Variants in CADM2 observed in about 807,000 individuals in gnomAD.
CADM2 encodes cell adhesion molecule 2, also known as immunoglobulin superfamily member 4D.
CADM2 carries 12 observed loss-of-function variants against 49.8 expected under a neutral mutation model. The observed-to-expected ratio is 0.24, with a 90% CI of 0.15 to 0.39. The LOEUF (loss-of-function observed/expected upper bound fraction) is 0.39, where lower values mean the gene tolerates loss of function less well. Among genes scored for constraint, CADM2 ranks in the 10% least tolerant of loss-of-function variants. The probability of loss-of-function intolerance (pLI) is 1.00; values close to 1 mark genes in which losing one functional copy is unlikely to be tolerated. For synonymous variants in CADM2, 214 were observed against 175.4 expected, an observed-to-expected ratio of 1.22 and a Z score of -1.74; for missense variants, 378 against 492.3, an observed-to-expected ratio of 0.77 and a Z score of 2.20.
intron 1 of CADM2, among the ~76,000 whole-genome samples, chr3:85,661,847 A>G (rs1389090409): frequency 2.0e-5 from 3 of 152,068 alleles, no homozygotes; most frequent in Non-Finnish European, 4.4e-5. Flanking sequence ...CTTATTAGTC[A>G]ATAACAATTT....
chr3:85,348,774 T>G (rs888547330), intron 1 of CADM2, among the ~76,000 whole-genome samples: 4 of 152,130 alleles, frequency 2.6e-5, no homozygotes, highest in African/African-American at 4.8e-5. Context: ...AATACAATCT[T>G]AACACAAAAA....
intron 2 of CADM2, among the ~76,000 whole-genome samples, chr3:85,734,175 A>G (rs2068041799): frequency 2.6e-5 from 4 of 152,154 alleles, no homozygotes; most frequent in Admixed American, 2.6e-4. Context: ...GGCAAAGTGT[A>G]CAATTAAAAA....
intron 1 of CADM2, among the ~76,000 whole-genome samples, chr3:85,578,490 T>C (rs2062707416): frequency 6.6e-6 from 1 of 152,220 alleles, no homozygotes; most frequent in Non-Finnish European, 1.5e-5. Flanking sequence ...AAAAAATAAA[T>C]AGATCAAGAC....
At chr3:84,962,287 AG>A (rs936750787) in intron 1 of CADM2, among the ~76,000 whole-genome samples, 1 of 151,306 alleles carries the variant, frequency 6.6e-6, no homozygotes, top group African/African-American at 2.4e-5. Flanking sequence ...AAAAAAAAAA[AG>A]AAAGAAAGAG....
In CADM2 at chr3:85,108,449, A is replaced by G. The variant is rs573497611; in HGVS notation, c.61+148781A>G. Among the ~76,000 whole-genome samples, 14 of 152,288 alleles carry G rather than the reference A, an allele frequency of 9.2e-5. No individual in the cohort carries two copies. The South Asian group carries it at 2.3e-3, about 25-fold the overall frequency. On this transcript the variant is annotated intron_variant, in intron 1 of 9. Coordinates refer to ENST00000383699, the MANE Select transcript of CADM2 (RefSeq NM_001167675.2). ...AAGGGAAATAAGCCATAAAAAGACAACAATGCATGATTCCACTTCTATGAG... is the reference window on the plus strand; with the variant it reads ...AAGGGAAATAAGCCATAAAAAGACAGCAATGCATGATTCCACTTCTATGAG...
In CADM2 at chr3:85,119,522, TC is replaced by T. The variant is rs2038775698; in HGVS notation, c.61+159855del. 2.0e-5 allele frequency among the ~76,000 whole-genome samples: 3 copies of T among 152,296 alleles called. No individual in the cohort carries two copies. The South Asian group carries it at 6.2e-4, about 32-fold the overall frequency. On this transcript the variant is annotated intron_variant, in intron 1 of 9. Transcript: ENST00000383699. The stretch of plus-strand genomic sequence containing the variant: ...TATGAAATTTAAAGTAGTTTTTTTT[TC>T]TAATTCTGTGAAGAAAGTTGATGTT...
At chr3:85,031,797 G>C (rs1303872681) in intron 1 of CADM2, among the ~76,000 whole-genome samples, 1 of 152,174 alleles carries the variant, frequency 6.6e-6, no homozygotes, top group African/African-American at 2.4e-5. Flanking sequence ...CGGGATTACA[G>C]ACGTGAGCCA....
chr3:85,670,136 C>G (rs970774433), intron 1 of CADM2, among the ~76,000 whole-genome samples: 1 of 151,952 alleles, frequency 6.6e-6, no homozygotes, highest in Admixed American at 6.6e-5. Context: ...ACTTGTGGTC[C>G]CAGCGGAAAA....
chr3:85,912,613 C>A, intron 6 of CADM2, 70 bp downstream of exon 6: 1 of 1,450,310 alleles, frequency 6.9e-7, no homozygotes, highest in Non-Finnish European at 9.4e-7. Context: ...AAAATCATTT[C>A]AAAACTACCT....
At chr3:86,043,912 C>T (rs140473070) in intron 8 of CADM2, among the ~76,000 whole-genome samples, 5,198 of 152,232 alleles carry the variant, frequency 0.034, 174 homozygotes, top group African/African-American at 0.083. Flanking sequence ...TGCTGCATAT[C>T]TACAACCATC....
chr3:85,234,307 T>A (rs1028863131), intron 1 of CADM2, among the ~76,000 whole-genome samples: 3 of 152,128 alleles, frequency 2.0e-5, no homozygotes, highest in Admixed American at 6.6e-5. Context: ...AATGGAAATA[T>A]TAATTAAACA....
At chr3:84,969,213 CT>C (rs1304299291) in intron 1 of CADM2, among the ~76,000 whole-genome samples, 2 of 151,794 alleles carry the variant, frequency 1.3e-5, no homozygotes, top group Non-Finnish European at 2.9e-5. Context: ...CAACTTGTGT[CT>C]TTTATTCTTT....
At chr3:85,862,286 A>C (rs1324518372) in intron 3 of CADM2, among the ~76,000 whole-genome samples, 1 of 152,012 alleles carries the variant, frequency 6.6e-6, no homozygotes, top group Non-Finnish European at 1.5e-5. Context: ...TTTATTTCTG[A>C]GTGCTTATCA....
chr3:86,037,247 C>A (rs73843580), intron 8 of CADM2, among the ~76,000 whole-genome samples: 2,222 of 152,226 alleles, frequency 0.015, 49 homozygotes, highest in African/African-American at 0.051. Context: ...ATACTTGCTA[C>A]TTTTGTTAAG....
At chr3:85,905,173 T>A (rs1290833249) in intron 5 of CADM2, among the ~76,000 whole-genome samples, 3 of 152,168 alleles carry the variant, frequency 2.0e-5, no homozygotes, top group Non-Finnish European at 2.9e-5. Flanking sequence ...TTCTGATAAA[T>A]GGGACTCTAA....
intron 1 of CADM2, among the ~76,000 whole-genome samples, chr3:85,439,663 T>C (rs2037104539): frequency 6.6e-6 from 1 of 152,098 alleles, no homozygotes; most frequent in Non-Finnish European, 1.5e-5. Flanking sequence ...AGTTTCATCA[T>C]CCAGTATGCC....
intron 1 of CADM2, among the ~76,000 whole-genome samples, chr3:85,133,973 G>T (rs547375891): frequency 7.7e-4 from 114 of 148,962 alleles, no homozygotes; most frequent in African/African-American, 2.7e-3. Context: ...GGAGGCTCAG[G>T]CATGGCGGGC....
intron 2 of CADM2, among the ~76,000 whole-genome samples, chr3:85,795,022 A>T (rs988413032): frequency 1.3e-5 from 2 of 152,094 alleles, no homozygotes; most frequent in African/African-American, 2.4e-5. Context: ...TTTTTGATCT[A>T]TGCAAACATT....
intron 1 of CADM2, among the ~76,000 whole-genome samples, chr3:85,223,114 C>A (rs986132): frequency 0.68 from 102,659 of 151,992 alleles, 35,554 homozygotes; most frequent in African/African-American, 0.82. Context: ...GTAACTGAAA[C>A]ATGTAAAATT....
Sources: gnomAD v4.1 joint callset for allele counts (sites outside exome capture counted in the v4.1 genomes callset) on GRCh38, gnomAD v4.1.1 for gene constraint, MANE v1.5 for transcripts, NCBI Gene and HGNC (gene_info 2026-07-23, HGNC 2026-07-21) for gene names.